Variants in ARB2A observed in about 807,000 individuals in gnomAD.
ARB2A encodes the protein ARB2 cotranscriptional regulator A, also known as cotranscriptional regulator ARB2A.
chr5:93,765,107 T>C, the ARB2A span, among the ~76,000 whole-genome samples: 2 of 152,194 alleles, frequency 1.3e-5, no homozygotes, highest in African/African-American at 4.8e-5. Context: ...GGGCAAAAAC[T>C]GGAAGCATTC....
chr5:93,766,083 T>C, the ARB2A span, among the ~76,000 whole-genome samples: 3 of 151,982 alleles, frequency 2.0e-5, no homozygotes, highest in Admixed American at 6.6e-5. Context: ...ACCATAAAAA[T>C]CCTAGAAGAA....
chr5:93,865,824 T>C, the ARB2A span: 2 of 985,284 alleles, frequency 2.0e-6, no homozygotes, highest in Non-Finnish European at 2.4e-6. Flanking sequence ...ACTTGCCGAA[T>C]AGTAGGCAGG....
chr5:93,657,189 T>C, the ARB2A span, among the ~76,000 whole-genome samples: 3 of 152,206 alleles, frequency 2.0e-5, no homozygotes, highest in African/African-American at 7.2e-5. Context: ...AACTCCCAAC[T>C]AGTTTGCAGT....
chr5:94,081,624 T>C, the ARB2A span, among the ~76,000 whole-genome samples: 1 of 152,326 alleles, frequency 6.6e-6, no homozygotes, highest in African/African-American at 2.4e-5. Context: ...CGATTCCATT[T>C]ATATGAAATG....
At chr5:93,711,418 A>G in the ARB2A span, among the ~76,000 whole-genome samples, 34 of 152,068 alleles carry the variant, frequency 2.2e-4, no homozygotes, top group Non-Finnish European at 3.5e-4. Context: ...TTATTTTCCT[A>G]TTTTTATGTT....
the ARB2A span, among the ~76,000 whole-genome samples, chr5:93,656,600 G>A: frequency 6.6e-6 from 1 of 152,038 alleles, no homozygotes; most frequent in Non-Finnish European, 1.5e-5. Flanking sequence ...TATGGTAAAA[G>A]GAAGAAATAA....
chr5:93,996,855 C>G, the ARB2A span, among the ~76,000 whole-genome samples: 1 of 151,998 alleles, frequency 6.6e-6, no homozygotes, highest in African/African-American at 2.4e-5. Context: ...AAGTCTTCTA[C>G]TCTGATTACA....
the ARB2A span, among the ~76,000 whole-genome samples, chr5:93,656,279 T>TA: frequency 6.6e-6 from 1 of 152,158 alleles, no homozygotes; most frequent in Non-Finnish European, 1.5e-5. Context: ...TAAATGCTTT[T>TA]AAAAAAATGT....
the ARB2A span, among the ~76,000 whole-genome samples, chr5:94,027,618 AC>A: frequency 6.6e-6 from 1 of 152,102 alleles, no homozygotes; most frequent in Non-Finnish European, 1.5e-5. Flanking sequence ...TCATTAATGT[AC>A]CCCCAGCCAG....
At chr5:93,784,314 G>T in the ARB2A span, 2 of 1,023,950 alleles carry the variant, frequency 2.0e-6, no homozygotes, top group Non-Finnish European at 3.0e-6. Flanking sequence ...GGTGTTACAG[G>T]TTGGTGGGGG....
At chr5:93,941,052 G>A in the ARB2A span, among the ~76,000 whole-genome samples, 1 of 152,054 alleles carries the variant, frequency 6.6e-6, no homozygotes. Context: ...TTAAACCTAG[G>A]CTACTCAAGA....
chr5:93,622,517 C>G, the ARB2A span, among the ~76,000 whole-genome samples: 6 of 152,150 alleles, frequency 3.9e-5, no homozygotes, highest in Non-Finnish European at 7.4e-5. Context: ...TGGCTGCTGT[C>G]GGCCAGAGAG....
chr5:94,032,532 G>T, the ARB2A span, among the ~76,000 whole-genome samples: 3 of 152,124 alleles, frequency 2.0e-5, no homozygotes, highest in Admixed American at 2.0e-4. Context: ...CAATACTGGG[G>T]ATTACAAGAC....
At chr5:94,026,846 C>T in the ARB2A span, among the ~76,000 whole-genome samples, 1 of 152,154 alleles carries the variant, frequency 6.6e-6, no homozygotes, top group African/African-American at 2.4e-5. Flanking sequence ...TTATCAATAG[C>T]CCAGCCAAAC....
the ARB2A span, among the ~76,000 whole-genome samples, chr5:93,754,126 G>A: frequency 6.6e-6 from 1 of 152,158 alleles, no homozygotes; most frequent in African/African-American, 2.4e-5. Flanking sequence ...CAGTAACTCT[G>A]CTTTATGGTT....
the ARB2A span, among the ~76,000 whole-genome samples, chr5:93,643,024 T>G: frequency 6.6e-6 from 1 of 152,210 alleles, no homozygotes; most frequent in Non-Finnish European, 1.5e-5. Context: ...TGATAGTCTG[T>G]GCTAGCCTGG....
the ARB2A span, among the ~76,000 whole-genome samples, chr5:94,099,581 G>A: frequency 3.2e-5 from 4 of 124,998 alleles, no homozygotes; most frequent in African/African-American, 6.2e-5. Flanking sequence ...CCGAGATCGC[G>A]CCACTGCACT....
the ARB2A span, among the ~76,000 whole-genome samples, chr5:93,895,031 A>T: frequency 1.3e-5 from 2 of 152,198 alleles, no homozygotes; most frequent in African/African-American, 2.4e-5. Flanking sequence ...GGAATTGATA[A>T]TAAAGGCAAA....
the ARB2A span, among the ~76,000 whole-genome samples, chr5:93,966,898 A>G: frequency 2.6e-5 from 4 of 151,990 alleles, no homozygotes; most frequent in South Asian, 4.1e-4. Context: ...TCCTACCTTT[A>G]TTCCTTCTTG....
Sources: gnomAD v4.1 joint callset for allele counts (sites outside exome capture counted in the v4.1 genomes callset) on GRCh38, gnomAD v4.1.1 for gene constraint, MANE v1.5 for transcripts, NCBI Gene and HGNC (gene_info 2026-07-23, HGNC 2026-07-21) for gene names.